CPED1: variants seen among roughly 807,000 people sequenced by gnomAD.
CPED1 encodes the protein cadherin-like and PC-esterase domain-containing protein 1.
In CPED1, 114 loss-of-function variants were observed where a neutral mutation model predicts 128.2. That is an observed-to-expected ratio of 0.89 (90% CI 0.76 to 1.04). The LOEUF is 1.04. Ranked by LOEUF, CPED1 falls within the 50% of genes least tolerant of loss-of-function variation. The pLI is 0.00. For missense variants in CPED1, 1,211 were observed against 1,207.1 expected (o/e 1.00, Z -0.05); for synonymous variants, 462 against 426.7 (o/e 1.08, Z -1.02).
At chr7:121,059,106 A>G (rs759538969) in intron 4 of CPED1, among the ~76,000 whole-genome samples, 2 of 152,218 alleles carry the variant, frequency 1.3e-5, no homozygotes, top group South Asian at 4.1e-4. Flanking sequence ...CACTAAGTTT[A>G]GTAATTGGGG....
chr7:121,140,935 A>T lies in CPED1; in HGVS notation c.1808A>T (p.Asp603Val). 1 of 1,612,644 alleles carries T rather than the reference A, an allele frequency of 6.2e-7. No homozygotes were observed. Among genetic ancestry groups the T allele is most frequent in the East Asian group, 2.2e-5 (1 of 44,820 alleles). Reference protein sequence around the residue: ...IKDYYCEVPFDVVTVTIGVET... With the variant: ...IKDYYCEVPFVVVTVTIGVET... ...GATTATTACTGTGAAGTCCCATTTG[A>T]TGTGGTAACAGTGACAATTGGAGTG... Residue 603 changes from aspartate to valine, a missense_variant, in exon 15 of 23, where the codon GAT becomes GTT. Physicochemically the swap from Asp to Val is radical, Grantham distance 152. Coordinates refer to ENST00000310396, the MANE Select transcript of CPED1 (RefSeq NM_024913.5).
Position 121,110,128 on chromosome 7 carries a change from C to A in CPED1, c.918+10034C>A, listed in dbSNP as rs180905708. ...CTATGACCTTAGACAAATCTGCTTA[C>A]ATCTATGGACCACTTTCCATGTCTA... On this transcript the variant is annotated intron_variant, in intron 7 of 22. Transcript: ENST00000310396. Among the ~76,000 whole-genome samples, 230 of 152,294 alleles carry A rather than the reference C, an allele frequency of 1.5e-3. 1 individual carries two copies. Among genetic ancestry groups the A allele is most frequent in the Non-Finnish European group, 6.2e-4 (42 of 68,024 alleles).
At chr7:121,203,753 T>C (rs1397732043) in intron 16 of CPED1, among the ~76,000 whole-genome samples, 2 of 152,098 alleles carry the variant, frequency 1.3e-5, no homozygotes, top group Non-Finnish European at 2.9e-5. Flanking sequence ...CTAAGTGTCA[T>C]GGAGGGAAAA....
intron 17 of CPED1, among the ~76,000 whole-genome samples, chr7:121,243,119 C>T (rs754112297): frequency 6.6e-6 from 1 of 152,056 alleles, no homozygotes; most frequent in African/African-American, 2.4e-5. Flanking sequence ...TTTTTCCTTT[C>T]TAACTCAAGA....
rs1192434734 is a variant in CPED1 at position 121,256,069 on chromosome 7, A to G, written c.2311-10158A>G. Among the ~76,000 whole-genome samples, 13 of 144,338 alleles carry G rather than the reference A, an allele frequency of 9.0e-5. No individual in the cohort carries two copies. The East Asian group carries it at 2.6e-3, about 29-fold the overall frequency. The allele number at this position is 144,338 out of a possible 152,430, so 94.7% of individuals were successfully genotyped here. On this transcript the variant is annotated intron_variant, in intron 18 of 22. Coordinates refer to ENST00000310396, the MANE Select transcript of CPED1 (RefSeq NM_024913.5). The stretch of plus-strand genomic sequence containing the variant: ...TGGGAAAAACTATTCTAACATTCAT[A>G]TGGGACCAAAAAAGAGCCCTAATAG...
intron 18 of CPED1, among the ~76,000 whole-genome samples, chr7:121,262,355 CA>C (rs1792038416): frequency 6.6e-6 from 1 of 152,032 alleles, no homozygotes; most frequent in African/African-American, 2.4e-5. Context: ...AATTTTAAAA[CA>C]AGCTTCAAGC....
intron 3 of CPED1, among the ~76,000 whole-genome samples, chr7:121,040,953 G>A (rs905339543): frequency 6.6e-6 from 1 of 151,892 alleles, no homozygotes; most frequent in Non-Finnish European, 1.5e-5. Flanking sequence ...ATGTGTAAGT[G>A]TTTACAGAAA....
chr7:121,128,478 T>C lies in CPED1; in HGVS notation c.1399T>C (p.Phe467Leu). The change falls in exon 11 of 23, where the codon TTC becomes CTC. Residue 467 changes from phenylalanine (F) to leucine (L), a missense_variant. By Grantham distance (22) the Phe-to-Leu change is conservative (BLOSUM62 0). Coordinates refer to ENST00000310396, the MANE Select transcript of CPED1 (RefSeq NM_024913.5). ...AAAGGAACTTGGAAGTCTGGGACAA[T>C]TCCAACTGGTAAAGCAAAAGTGACA... is the stretch of plus-strand genomic sequence containing the variant. ...FIKELGSLGQ[F>L]QLLFPSTTPG... 12 of 1,541,936 alleles carry C rather than the reference T, an allele frequency of 7.8e-6. No individual in the cohort carries two copies. The highest frequency in any genetic ancestry group is 1.1e-5 in the Non-Finnish European group (12 of 1,114,340).
chr7:121,017,040 T>C (rs1028979451), intron 3 of CPED1, among the ~76,000 whole-genome samples: 11 of 152,336 alleles, frequency 7.2e-5, no homozygotes, highest in African/African-American at 2.4e-4. Flanking sequence ...TGGGGGACTA[T>C]TTAGCCATGG....
intron 7 of CPED1, among the ~76,000 whole-genome samples, chr7:121,104,036 A>G (rs1336536301): frequency 1.3e-5 from 2 of 152,110 alleles, no homozygotes; most frequent in Non-Finnish European, 2.9e-5. Flanking sequence ...TTAGTGTTAG[A>G]TGTTTCCCAA....
Position 121,216,116 on chromosome 7 carries a change from A to G in CPED1, c.2056-20598A>G, listed in dbSNP as rs146448053. Among the ~76,000 whole-genome samples the G allele has an allele frequency of 1.5e-3, 234 of 152,158 alleles. 1 individual carries two copies. Among genetic ancestry groups the G allele is most frequent in the African/African-American group, 5.1e-3 (210 of 41,556 alleles). On this transcript the variant is annotated intron_variant, in intron 16 of 22. Transcript: ENST00000310396. ...ACCCTCTACAACTTTCTAGATAGTT[A>G]GGTTATAGGATAAGTTGGTATAATG...
intron 12 of CPED1, among the ~76,000 whole-genome samples, chr7:121,132,249 T>G (rs997197438): frequency 2.0e-5 from 3 of 152,070 alleles, no homozygotes; most frequent in Admixed American, 6.6e-5. Context: ...GTTACAAAGC[T>G]AATAGAAATA....
At chr7:120,996,479 A>C (rs957190769) in intron 2 of CPED1, among the ~76,000 whole-genome samples, 2 of 152,130 alleles carry the variant, frequency 1.3e-5, no homozygotes, top group African/African-American at 4.8e-5. Context: ...AGTCTCAACC[A>C]GCTTGCATGT....
intron 18 of CPED1, among the ~76,000 whole-genome samples, chr7:121,250,236 A>G (rs1422472403): frequency 6.6e-6 from 1 of 152,220 alleles, no homozygotes; most frequent in Non-Finnish European, 1.5e-5. Flanking sequence ...GTACATAACG[A>G]AATGAAGGCA....
chr7:121,066,086 A>C (rs1402223121), intron 5 of CPED1, among the ~76,000 whole-genome samples: 1 of 152,170 alleles, frequency 6.6e-6, no homozygotes, highest in African/African-American at 2.4e-5. Flanking sequence ...AATATTTAAT[A>C]TTGAATACAG....
At chr7:121,087,753 C>T (rs137954954) in intron 5 of CPED1, among the ~76,000 whole-genome samples, 1,955 of 151,014 alleles carry the variant, frequency 0.013, 38 homozygotes, top group African/African-American at 0.045. Context: ...CTCTGCCTCC[C>T]GGGTTCAAGC....
chr7:121,172,066 G>A (rs536751284), intron 16 of CPED1, among the ~76,000 whole-genome samples: 2 of 152,104 alleles, frequency 1.3e-5, no homozygotes, highest in Non-Finnish European at 2.9e-5. Flanking sequence ...GAGCTGGAAG[G>A]CAGGAAAGGT....
intron 5 of CPED1, among the ~76,000 whole-genome samples, chr7:121,084,190 C>T (rs979073692): frequency 6.6e-6 from 1 of 152,150 alleles, no homozygotes; most frequent in Non-Finnish European, 1.5e-5. Flanking sequence ...TAAAGCAATT[C>T]TCTCACTCCT....
chr7:121,244,427 T>TG, intron 18 of CPED1, 89 bp downstream of exon 18: 2 of 1,395,566 alleles, frequency 1.4e-6, no homozygotes, highest in Non-Finnish European at 2.0e-6. Context: ...GACCAATTCC[T>TG]GCTGTCTCAC....
Sources: gnomAD v4.1 joint callset for allele counts (sites outside exome capture counted in the v4.1 genomes callset) on GRCh38, gnomAD v4.1.1 for gene constraint, MANE v1.5 for transcripts, NCBI Gene and HGNC (gene_info 2026-07-23, HGNC 2026-07-21) for gene names.